The following CLDN16 variants were observed in gnomAD, a reference collection of about 807,000 sequenced individuals.
CLDN16 encodes claudin 16.
CLDN16 carries 13 observed loss-of-function variants against 24.6 expected under a neutral mutation model. The ratio of observed to expected loss-of-function variants is 0.53; its 90% CI spans 0.34 to 0.84. The LOEUF is 0.84. Among genes scored for constraint, CLDN16 ranks in the 40% least tolerant of loss-of-function variants. The pLI is 0.01. For synonymous variants in CLDN16, 116 were observed against 106.7 expected, an observed-to-expected ratio of 1.09 and a Z score of -0.54; for missense variants, 298 against 292.7, an observed-to-expected ratio of 1.02 and a Z score of -0.13.
At chr3:190,407,185 T>A (rs1376070049) in intron 3 of CLDN16, among the ~76,000 whole-genome samples, 1 of 152,168 alleles carries the variant, frequency 6.6e-6, no homozygotes, top group East Asian at 1.9e-4. Flanking sequence ...TTTTTTAGAT[T>A]TGGGAAAGAC....
At chr3:190,300,153 T>A in the CLDN16 span, among the ~76,000 whole-genome samples, 1 of 152,002 alleles carries the variant, frequency 6.6e-6, no homozygotes, top group East Asian at 1.9e-4. Context: ...GGAGTGGGAG[T>A]TGAGGGGTCG....
chr3:190,295,367 T>C, the CLDN16 span, among the ~76,000 whole-genome samples: 1 of 152,186 alleles, frequency 6.6e-6, no homozygotes, highest in Non-Finnish European at 1.5e-5. Flanking sequence ...TTTTCTTTCC[T>C]TAACAAACCT....
intron 1 of CLDN16, among the ~76,000 whole-genome samples, chr3:190,370,365 G>A (rs1718113181): frequency 6.6e-6 from 1 of 151,906 alleles, no homozygotes; most frequent in Admixed American, 6.6e-5. Context: ...CCTACTTTAT[G>A]AGCATACTCA....
chr3:190,352,687 T>C (rs1306979027), intron 1 of CLDN16, among the ~76,000 whole-genome samples: 1 of 152,090 alleles, frequency 6.6e-6, no homozygotes, highest in African/African-American at 2.4e-5. Context: ...AAAGCTACTA[T>C]TCTAGAACAT....
intron 1 of CLDN16, among the ~76,000 whole-genome samples, chr3:190,360,775 T>G (rs935114753): frequency 3.9e-5 from 6 of 151,970 alleles, no homozygotes; most frequent in African/African-American, 1.4e-4. Flanking sequence ...TCTTCTTGTT[T>G]TGACTTTTAT....
At chr3:190,406,292 TC>T (rs1719095634) in intron 3 of CLDN16, among the ~76,000 whole-genome samples, 1 of 152,242 alleles carries the variant, frequency 6.6e-6, no homozygotes, top group South Asian at 2.1e-4. Context: ...TTAGAATTCT[TC>T]CCTTCTGTAA....
chr3:190,363,278 G>A (rs114584441), intron 1 of CLDN16, among the ~76,000 whole-genome samples: 17 of 151,160 alleles, frequency 1.1e-4, no homozygotes, highest in Admixed American at 2.6e-4. Flanking sequence ...TTAGTTACAG[G>A]CATTCTAGCT....
intron 1 of CLDN16, among the ~76,000 whole-genome samples, chr3:190,338,882 G>C (rs553307196): frequency 6.6e-6 from 1 of 152,242 alleles, no homozygotes; most frequent in East Asian, 1.9e-4. Flanking sequence ...CTCCTTGACT[G>C]GGCTGGTACA....
intron 3 of CLDN16, among the ~76,000 whole-genome samples, chr3:190,406,356 A>T (rs1002372203): frequency 2.6e-5 from 4 of 152,234 alleles, no homozygotes; most frequent in Non-Finnish European, 5.9e-5. Context: ...TTTAATATAC[A>T]ATGTAATTCA....
At chr3:190,340,290 G>C (rs906161423) in intron 1 of CLDN16, among the ~76,000 whole-genome samples, 2 of 152,126 alleles carry the variant, frequency 1.3e-5, no homozygotes, top group Non-Finnish European at 2.9e-5. Context: ...TTTTCATCCT[G>C]CTGATGAAAA....
intron 1 of CLDN16, among the ~76,000 whole-genome samples, chr3:190,326,416 G>C (rs970750830): frequency 6.6e-6 from 1 of 152,186 alleles, no homozygotes; most frequent in African/African-American, 2.4e-5. Flanking sequence ...GTTGTGTTCA[G>C]AAAAAGAGAA....
At chr3:190,403,745 C>A (rs1249939536) in intron 2 of CLDN16, among the ~76,000 whole-genome samples, 2 of 152,070 alleles carry the variant, frequency 1.3e-5, no homozygotes, top group Non-Finnish European at 2.9e-5. Flanking sequence ...TTCATAAGGT[C>A]TTTGTTTTAT....
chr3:190,362,937 A>G (rs1717931740), intron 1 of CLDN16, among the ~76,000 whole-genome samples: 2 of 151,926 alleles, frequency 1.3e-5, no homozygotes, highest in South Asian at 2.1e-4. Context: ...AAGTAATTGA[A>G]TATGTGTACT....
chr3:190,363,130 G>C (rs1021407877), intron 1 of CLDN16, among the ~76,000 whole-genome samples: 1 of 151,852 alleles, frequency 6.6e-6, no homozygotes, highest in Admixed American at 6.6e-5. Context: ...TTTTTCTCCA[G>C]AATTTTTCTT....
the CLDN16 span, among the ~76,000 whole-genome samples, chr3:190,296,293 G>A: frequency 6.6e-6 from 1 of 152,142 alleles, no homozygotes; most frequent in Non-Finnish European, 1.5e-5. Context: ...TTCTTGTCAT[G>A]TTACAAAGAA....
chr3:190,324,868 T>C (rs75598428), intron 1 of CLDN16, among the ~76,000 whole-genome samples: 4,763 of 152,262 alleles, frequency 0.031, 112 homozygotes, highest in South Asian at 0.081. Flanking sequence ...AGCTTCCAAA[T>C]ACTGGCCTTT....
At chr3:190,346,522 A>G (rs1368465503) in intron 1 of CLDN16, among the ~76,000 whole-genome samples, 1 of 152,234 alleles carries the variant, frequency 6.6e-6, no homozygotes, top group East Asian at 1.9e-4. Context: ...AAAACTGTAC[A>G]TTCTTTATGT....
the CLDN16 span, among the ~76,000 whole-genome samples, chr3:190,302,701 G>A: frequency 4.2e-4 from 64 of 151,742 alleles, no homozygotes; most frequent in African/African-American, 1.5e-3. Flanking sequence ...AGTCTGGGAG[G>A]TGGAGGTTGC....
chr3:190,404,642 G>A (rs1188945148), intron 2 of CLDN16, 120 bp from the exon 3 acceptor site: 1 of 929,932 alleles, frequency 1.1e-6, no homozygotes, highest in Non-Finnish European at 1.8e-6. Flanking sequence ...TACAAAGTCT[G>A]ACTTTTACCG....
Sources: gnomAD v4.1 joint callset for allele counts (sites outside exome capture counted in the v4.1 genomes callset) on GRCh38, gnomAD v4.1.1 for gene constraint, MANE v1.5 for transcripts, NCBI Gene and HGNC (gene_info 2026-07-23, HGNC 2026-07-21) for gene names.